Variants in RPS6KA2 observed in about 807,000 individuals in gnomAD.
RPS6KA2 encodes ribosomal protein S6 kinase A2.
Under a neutral mutation model 91.8 loss-of-function variants are expected in RPS6KA2, and 42 were observed. The observed-to-expected ratio is 0.46, with a 90% CI of 0.36 to 0.59. The LOEUF (loss-of-function observed/expected upper bound fraction) is 0.59. Among genes scored for constraint, RPS6KA2 ranks in the 20% least tolerant of loss-of-function variants. RPS6KA2 has a pLI of 0.00. For synonymous variants in RPS6KA2, 414 were observed against 393.6 expected, an observed-to-expected ratio of 1.05 and a Z score of -0.61; for missense variants, 798 against 978.5, an observed-to-expected ratio of 0.82 and a Z score of 2.46.
chr6:166,708,668 G>C (rs1245581750), intron 2 of RPS6KA2, among the ~76,000 whole-genome samples: 2 of 152,202 alleles, frequency 1.3e-5, no homozygotes, highest in Non-Finnish European at 2.9e-5. Flanking sequence ...CTCGTCACCA[G>C]GCAGTGCACA....
At chr6:166,777,165 C>T (rs11965029) in intron 2 of RPS6KA2, among the ~76,000 whole-genome samples, 1,703 of 152,270 alleles carry the variant, frequency 0.011, 30 homozygotes, top group African/African-American at 0.036. Context: ...AAAGCCTGGA[C>T]GAAAGCCCCG....
chr6:166,700,652 G>A (rs1789482213), intron 2 of RPS6KA2, among the ~76,000 whole-genome samples: 1 of 152,078 alleles, frequency 6.6e-6, no homozygotes, highest in South Asian at 2.1e-4. Flanking sequence ...GTTTTTCCAT[G>A]CTAATGGCTT....
At chr6:166,475,154 C>CCACTCCAGCTGCCAGCA (rs3835203) in intron 10 of RPS6KA2, among the ~76,000 whole-genome samples, 1 of 151,778 alleles carries the variant, frequency 6.6e-6, no homozygotes, top group African/African-American at 2.4e-5. Flanking sequence ...TGGGATGTGC[C>CCACTCCAGCTGCCAGCA]CCAGCCTGTG....
intron 11 of RPS6KA2, among the ~76,000 whole-genome samples, chr6:166,468,529 C>A (rs570995836): frequency 6.6e-6 from 1 of 152,168 alleles, no homozygotes; most frequent in South Asian, 2.1e-4. Context: ...GGGCCCACCT[C>A]TTAATGAAAT....
intron 2 of RPS6KA2, among the ~76,000 whole-genome samples, chr6:166,805,198 C>T (rs1040495615): frequency 6.6e-5 from 10 of 152,160 alleles, no homozygotes; most frequent in African/African-American, 2.4e-4. Context: ...TGCTCTCCAC[C>T]CCCAGCCCTC....
At chr6:166,689,835 G>A (rs1382033469) in intron 2 of RPS6KA2, among the ~76,000 whole-genome samples, 1 of 152,242 alleles carries the variant, frequency 6.6e-6, no homozygotes. Flanking sequence ...AAGGCTCTGT[G>A]CACACACCGA....
intron 1 of RPS6KA2, chr6:166,861,979 T>G (rs1781056820): frequency 8.6e-7 from 1 of 1,168,024 alleles, no homozygotes; most frequent in Non-Finnish European, 1.3e-6. Flanking sequence ...ACACACTGGA[T>G]AGCCAACTCT....
At chr6:166,798,337 G>A (rs754920955) in intron 2 of RPS6KA2, among the ~76,000 whole-genome samples, 13 of 152,202 alleles carry the variant, frequency 8.5e-5, no homozygotes, top group Non-Finnish European at 1.5e-4. Context: ...CCAATGCCAC[G>A]GCCTAAGCAT....
intron 2 of RPS6KA2, among the ~76,000 whole-genome samples, chr6:166,766,914 T>G (rs890419223): frequency 1.3e-5 from 2 of 152,252 alleles, no homozygotes; most frequent in Non-Finnish European, 2.9e-5. Context: ...CCACAGTGTC[T>G]GGACCCAGCT....
At chr6:166,684,856 C>T (rs1788958662) in intron 2 of RPS6KA2, among the ~76,000 whole-genome samples, 1 of 152,212 alleles carries the variant, frequency 6.6e-6, no homozygotes. Context: ...ATTAAATGCC[C>T]TTTCTCCTTC....
chr6:166,765,761 A>G (rs930040890), intron 2 of RPS6KA2, among the ~76,000 whole-genome samples: 2 of 152,198 alleles, frequency 1.3e-5, no homozygotes, highest in Non-Finnish European at 2.9e-5. Context: ...AATCGACTTA[A>G]GGTGTTTTAG....
At chr6:166,764,488 C>T (rs1041884939) in intron 2 of RPS6KA2, among the ~76,000 whole-genome samples, 1 of 152,084 alleles carries the variant, frequency 6.6e-6, no homozygotes, top group Non-Finnish European at 1.5e-5. Flanking sequence ...CTCAATGAAG[C>T]TGAAGGAGTG....
intron 8 of RPS6KA2, among the ~76,000 whole-genome samples, chr6:166,496,449 A>T (rs1028222485): frequency 6.6e-6 from 1 of 152,190 alleles, no homozygotes; most frequent in African/African-American, 2.4e-5. Flanking sequence ...TTGCCTTAAT[A>T]GAAGAAACAG....
chr6:166,414,059 C>G (rs1224330398), intron 19 of RPS6KA2, 128 bp from the exon 20 acceptor site: 3 of 728,292 alleles, frequency 4.1e-6, no homozygotes, highest in Non-Finnish European at 6.4e-6. Context: ...TGGGTCTTTG[C>G]ATTTTGGGGT....
chr6:166,416,531 TCATCACCTCCATCATTTCCTAC>T (rs1159847668), intron 19 of RPS6KA2, among the ~76,000 whole-genome samples: 7 of 150,310 alleles, frequency 4.7e-5, no homozygotes, highest in African/African-American at 1.7e-4. Flanking sequence ...TGCCATCCCT[TCATCACCTCCATCATTTCCTAC>T]CATCACCTCC....
chr6:166,419,951 T>A lies in RPS6KA2; in HGVS notation c.1751A>T (p.Lys584Met). The change falls in exon 18 of 21, where the codon AAG (lysine) becomes ATG (methionine). Residue 584 changes from lysine (K) to methionine (M), a missense_variant. Lys to Met is a moderately conservative substitution (Grantham distance 95). Transcript: ENST00000265678. This position sits in a 1 kb window ranked among gnomAD's most constrained non-coding sequence, Gnocchi z 5.6. Reference sequence around the variant, plus strand: ...ACACGCCGCATCATAGCCTTGACGCTTCAGGACCTAGGAGGGAACGACAGG... The same window carrying A: ...ACACGCCGCATCATAGCCTTGACGCATCAGGACCTAGGAGGGAACGACAGG... Reference protein sequence around the residue: ...TANFVAPEVLKRQGYDAACDI... With the variant: ...TANFVAPEVLMRQGYDAACDI... 6.2e-7 allele frequency: 1 copy of A among 1,613,692 alleles called. No individual in the cohort carries two copies. The highest frequency in any genetic ancestry group is 8.5e-7 in the Non-Finnish European group (1 of 1,179,734).
chr6:166,435,284 A>C lies in RPS6KA2; in HGVS notation c.1333-2794T>G, dbSNP rs986294495. ...CAGTTTTCAAAGACAGATTACCTTA[A>C]ACTCTTGCTTACTTTAAAAACTATC... On this transcript the variant is annotated intron_variant, in intron 14 of 20. Transcript: ENST00000265678. This position sits in a 1 kb window ranked among gnomAD's most constrained non-coding sequence, Gnocchi z 4.3. Among the ~76,000 whole-genome samples the C allele has an allele frequency of 6.6e-6, 1 of 152,164 alleles. No individual in the cohort carries two copies. The highest frequency in any genetic ancestry group is 2.4e-5 in the African/African-American group (1 of 41,434).
intron 12 of RPS6KA2, among the ~76,000 whole-genome samples, chr6:166,458,097 G>C (rs1264032536): frequency 6.6e-6 from 1 of 152,130 alleles, no homozygotes; most frequent in Non-Finnish European, 1.5e-5. Context: ...CAAATGTTAA[G>C]GCCCTACCCC....
chr6:166,507,459 A>G (rs1192507733), intron 5 of RPS6KA2, among the ~76,000 whole-genome samples: 1 of 146,738 alleles, frequency 6.8e-6, no homozygotes, highest in Non-Finnish European at 1.5e-5. Context: ...TCATACATAC[A>G]CACACCCTAC....
Sources: gnomAD v4.1 joint callset for allele counts (sites outside exome capture counted in the v4.1 genomes callset) on GRCh38, gnomAD v4.1.1 for gene constraint, Gnocchi (gnomAD v3.1) non-coding constraint, MANE v1.5 for transcripts, NCBI Gene and HGNC (gene_info 2026-07-23, HGNC 2026-07-21) for gene names.